Variants in PACS2 observed in about 807,000 individuals in gnomAD.
PACS2 encodes the protein PACS1-like protein.
In PACS2, 36 loss-of-function variants were observed where a neutral mutation model predicts 113.0. That is an observed-to-expected ratio of 0.32 (90% CI 0.24 to 0.42). The LOEUF (loss-of-function observed/expected upper bound fraction) is 0.42. Ranked by LOEUF, PACS2 falls within the 10% of genes least tolerant of loss-of-function variation. The probability of loss-of-function intolerance (pLI) is 1.00; values close to 1 mark genes in which losing one functional copy is unlikely to be tolerated. For synonymous variants in PACS2, 589 were observed against 536.1 expected (o/e 1.10, Z -1.36); for missense variants, 1,015 against 1,239.5 (o/e 0.82, Z 2.72).
chr14:105,385,787 G>A, intron 19 of PACS2, 70 bp downstream of exon 19: 2 of 995,340 alleles, frequency 2.0e-6, no homozygotes, highest in South Asian at 3.8e-5. Context: ...GTTTGGCAGA[G>A]TCACGTAGGA....
chr14:105,359,887 G>A (rs927469111), intron 4 of PACS2, among the ~76,000 whole-genome samples: 6 of 152,150 alleles, frequency 3.9e-5, no homozygotes, highest in Admixed American at 6.5e-5. Flanking sequence ...CACTGTACCC[G>A]GCCAAGTGTT....
rs1023966942 is a variant in PACS2, at chr14:105,323,931, G to A, written c.119+8894G>A. ...GTGGCCTGCACGGTGCGTGCACACC[G>A]CTCTGTCCGCGCAGGCTGTGCCCTG... On this transcript the variant is annotated intron_variant, in intron 1 of 24. Coordinates refer to ENST00000447393, the MANE Select transcript of PACS2 (RefSeq NM_001100913.3). The surrounding 1 kb of genome is among the most constrained non-coding windows in gnomAD (Gnocchi z 4.1). Among the ~76,000 whole-genome samples, 3 of 152,256 alleles carry A rather than the reference G, an allele frequency of 2.0e-5. No homozygotes were observed. The highest frequency in any genetic ancestry group is 2.1e-4 in the South Asian group (1 of 4,834).
At chr14:105,318,320 G>C (rs1274511026) in intron 1 of PACS2, among the ~76,000 whole-genome samples, 2 of 152,040 alleles carry the variant, frequency 1.3e-5, no homozygotes, top group African/African-American at 4.8e-5. Context: ...TCACTTTGTG[G>C]CCCAGACTGG....
At chr14:105,391,952 G>A in intron 22 of PACS2, 186 bp downstream of exon 22, 1 of 597,428 alleles carries the variant, frequency 1.7e-6, no homozygotes, top group Middle Eastern at 2.6e-4. Context: ...TCTGGTGTTT[G>A]GGGGCAGGAC....
In PACS2 at chr14:105,314,838, T is replaced by A. The variant is rs970343217; in HGVS notation, c.-81T>A. On this transcript the variant is annotated 5_prime_UTR_variant, in exon 1 of 25. Coordinates refer to ENST00000447393, the MANE Select transcript of PACS2 (RefSeq NM_001100913.3). ...CAGCCATGTGACCGCGCCGCCGCCC[T>A]CCGCGCGCCCGGCCCGCCCGCCGCG... The A allele has an allele frequency of 3.3e-3, 1,717 of 522,302 alleles. 1 individual carries two copies. Among genetic ancestry groups the A allele is most frequent in the Middle Eastern group, 5.0e-3 (5 of 998 alleles). The allele number at this position is 522,302 out of a possible 1,614,324, so 32.4% of individuals were successfully genotyped here.
intron 1 of PACS2, among the ~76,000 whole-genome samples, chr14:105,301,532 T>TC (rs2058027208): frequency 6.6e-6 from 1 of 151,946 alleles, no homozygotes; most frequent in African/African-American, 2.4e-5. Flanking sequence ...GCAGCTGCGC[T>TC]GGGGGGCCTG....
At chr14:105,344,515 A>G (rs1327806718) in intron 1 of PACS2, among the ~76,000 whole-genome samples, 2 of 152,202 alleles carry the variant, frequency 1.3e-5, no homozygotes, top group Non-Finnish European at 2.9e-5. Flanking sequence ...TTTCTAGGGA[A>G]ATGAAAATTG....
chr14:105,313,650 A>G (rs1319357511), upstream of PACS2, among the ~76,000 whole-genome samples: 1 of 152,272 alleles, frequency 6.6e-6, no homozygotes, highest in Non-Finnish European at 1.5e-5. Context: ...TGGGCCAGGA[A>G]AGAAACCAGC....
chr14:105,349,744 G>C (rs1167346145), intron 2 of PACS2, among the ~76,000 whole-genome samples: 1 of 152,292 alleles, frequency 6.6e-6, no homozygotes, highest in Non-Finnish European at 1.5e-5. Flanking sequence ...TCTGCGGCGT[G>C]TGCTGGTGGC....
At chr14:105,393,168 C>A in intron 23 of PACS2, 54 bp from the exon 24 acceptor site, 2 of 1,406,786 alleles carry the variant, frequency 1.4e-6, no homozygotes, top group Non-Finnish European at 2.0e-6. Context: ...CTGGCCCTGG[C>A]CCCAGCCCCG....
intron 1 of PACS2, among the ~76,000 whole-genome samples, chr14:105,325,444 G>A (rs587728489): frequency 2.0e-5 from 3 of 152,284 alleles, no homozygotes; most frequent in Admixed American, 1.3e-4. Context: ...TGGGATCCAC[G>A]GGCTTGAGGC....
chr14:105,318,026 G>A (rs955419510), intron 1 of PACS2, among the ~76,000 whole-genome samples: 1 of 152,212 alleles, frequency 6.6e-6, no homozygotes, highest in African/African-American at 2.4e-5. Context: ...GTGTCCTCCT[G>A]GTGCCCATGT....
chr14:105,392,898 G>A, intron 23 of PACS2, 53 bp downstream of exon 23: 2 of 1,408,436 alleles, frequency 1.4e-6, no homozygotes, highest in Non-Finnish European at 2.0e-6. Context: ...GGCTCTGTGG[G>A]AGAGGGCGGC....
chr14:105,390,981 C>T, intron 20 of PACS2: 2 of 591,970 alleles, frequency 3.4e-6, no homozygotes, highest in Non-Finnish European at 6.0e-6. Flanking sequence ...AGCAGTCCCT[C>T]CTGCTGAGGC....
chr14:105,301,750 G>C (rs900800169), intron 1 of PACS2, among the ~76,000 whole-genome samples: 1 of 152,248 alleles, frequency 6.6e-6, no homozygotes, highest in Non-Finnish European at 1.5e-5. Context: ...CCCCTGCCCA[G>C]AGCGGGAACC....
Position 105,382,870 on chromosome 14 carries a change from G to A in PACS2, c.1582G>A (p.Val528Ile), listed in dbSNP as rs201367145. 6.2e-6 allele frequency: 10 copies of A among 1,607,348 alleles called. No individual in the cohort carries two copies. Among genetic ancestry groups the A allele is most frequent in the East Asian group, 2.2e-5 (1 of 44,882 alleles). The change falls in exon 15 of 25, where the codon GTC (valine) becomes ATC (isoleucine). Residue 528 changes from valine (V) to isoleucine (I), a missense_variant. By Grantham distance (29) the Val-to-Ile change is conservative (BLOSUM62 3). Around this residue, in one of 3 missense-constraint regions of PACS2, gnomAD observed 859 missense variants for 1,056.8 expected, o/e 0.81. Coordinates refer to ENST00000447393, the MANE Select transcript of PACS2 (RefSeq NM_001100913.3). ...PVVCTCSPAD[V>I]QAAFSTIVSR... ...GGTGTGCACGTGCTCTCCTGCGGAC[G>A]TCCAGGCGGCCTTCAGCACCATCGT...
chr14:105,321,957 T>TG (rs1420050045), intron 1 of PACS2, among the ~76,000 whole-genome samples: 5 of 152,078 alleles, frequency 3.3e-5, no homozygotes, highest in Non-Finnish European at 7.4e-5. Flanking sequence ...TTTTTTTTTT[T>TG]GAGACAGAGT....
intron 22 of PACS2, 32 bp downstream of exon 22, chr14:105,391,798 C>A: frequency 6.4e-7 from 1 of 1,560,620 alleles, no homozygotes; most frequent in Non-Finnish European, 8.7e-7. Context: ...GCACGTTTCA[C>A]TTACCCGCCC....
At position 105,333,132 on chromosome 14, in the gene PACS2, C is replaced by T. The variant is rs181680361; in HGVS notation, c.120-15361C>T. On this transcript the variant is annotated intron_variant, in intron 1 of 24. Transcript: ENST00000447393. ...ACGCATACCCACTCAGGCACATACA[C>T]GTGCACACACACACCCATGCACGCG... 2.8e-3 allele frequency among the ~76,000 whole-genome samples: 421 copies of T among 152,288 alleles called. 1 individual carries two copies. Among genetic ancestry groups the T allele is most frequent in the Middle Eastern group, 6.8e-3 (2 of 294 alleles).
Sources: gnomAD v4.1 joint callset for allele counts (sites outside exome capture counted in the v4.1 genomes callset) on GRCh38, gnomAD v4.1.1 for gene constraint, gnomAD v4.1.1 regional missense constraint, Gnocchi (gnomAD v3.1) non-coding constraint, MANE v1.5 for transcripts, NCBI Gene and HGNC (gene_info 2026-07-23, HGNC 2026-07-21) for gene names.